DST: variants seen among roughly 807,000 people sequenced by gnomAD.
DST encodes the protein dystonin, also known as bullous pemphigoid antigen.
DST carries 253 observed loss-of-function variants against 875.2 expected under a neutral mutation model. That is an observed-to-expected ratio of 0.29 (90% CI 0.26 to 0.32). The LOEUF (loss-of-function observed/expected upper bound fraction) is 0.32, where lower values mean the gene tolerates loss of function less well. DST is among the 10% of genes least tolerant of loss of function. The pLI is 1.00. For synonymous variants in DST, 3,124 were observed against 3,197.1 expected, an observed-to-expected ratio of 0.98 and a Z score of 0.77; for missense variants, 8,287 against 9,111.6, an observed-to-expected ratio of 0.91 and a Z score of 3.68.
At chr6:56,948,224 T>C (rs951153385) in intron 2 of DST, among the ~76,000 whole-genome samples, 1 of 152,200 alleles carries the variant, frequency 6.6e-6, no homozygotes, top group Admixed American at 6.5e-5. Flanking sequence ...ATACGATTTT[T>C]TTTTCCTTTC....
rs2152468572 is a variant in DST at position 56,506,709 on chromosome 6, A to G, written c.19320T>C (p.Cys6440=). The change falls in exon 76 of 104, where the codon TGT becomes TGC. Residue 6440 remains cysteine (C), a synonymous_variant. Coordinates refer to ENST00000680361, the MANE Select transcript of DST (RefSeq NM_001374736.1). The part of the protein sequence containing the change: ...INLGSELIAA[C]GEPDKPIVKK... ...TGACAATGGGTTTATCAGGCTCCCC[A>G]CATGCCGCAATGAGTTCAGAACCTA... 1 of 1,613,684 alleles carries G rather than the reference A, an allele frequency of 6.2e-7. No homozygotes were observed. The highest frequency in any genetic ancestry group is 2.2e-5 in the East Asian group (1 of 44,858).
intron 3 of DST, among the ~76,000 whole-genome samples, chr6:56,884,981 C>T (rs1324733911): frequency 5.3e-5 from 8 of 151,830 alleles, no homozygotes; most frequent in South Asian, 2.1e-4. Flanking sequence ...CCGCCCACCT[C>T]GGCCTCCCAA....
chr6:56,702,380 T>TACACAC (rs141415908), intron 7 of DST, among the ~76,000 whole-genome samples: 10 of 149,518 alleles, frequency 6.7e-5, no homozygotes, highest in African/African-American at 1.7e-4. Flanking sequence ...TAACTGTATA[T>TACACAC]ACACACACAC....
At chr6:56,490,358 CT>C (rs1410099945) in intron 85 of DST, among the ~76,000 whole-genome samples, 3 of 152,102 alleles carry the variant, frequency 2.0e-5, no homozygotes, top group Non-Finnish European at 2.9e-5. Context: ...GTACTATTTT[CT>C]GATACAATTG....
At chr6:56,872,522 T>G (rs1404569885) in intron 3 of DST, among the ~76,000 whole-genome samples, 1 of 152,030 alleles carries the variant, frequency 6.6e-6, no homozygotes, top group African/African-American at 2.4e-5. Context: ...ACTCCACCTC[T>G]AAGAAAACAA....
intron 36 of DST, among the ~76,000 whole-genome samples, chr6:56,623,461 C>A (rs1412097323): frequency 1.3e-5 from 2 of 151,786 alleles, no homozygotes; most frequent in Admixed American, 1.3e-4. Flanking sequence ...TTCTCCTAAG[C>A]ACAAAGGAAG....
chr6:56,522,510 G>A (rs1437800228), intron 69 of DST, among the ~76,000 whole-genome samples: 1 of 152,060 alleles, frequency 6.6e-6, no homozygotes, highest in Non-Finnish European at 1.5e-5. Context: ...CACTTTGCTT[G>A]TCTTTATTTA....
chr6:56,821,757 A>C (rs2099773285), intron 4 of DST, among the ~76,000 whole-genome samples: 1 of 152,242 alleles, frequency 6.6e-6, no homozygotes, highest in African/African-American at 2.4e-5. Flanking sequence ...AGGAACATTC[A>C]CATTAGTAGG....
At chr6:56,837,754 T>C (rs1241774308) in intron 4 of DST, among the ~76,000 whole-genome samples, 1 of 152,134 alleles carries the variant, frequency 6.6e-6, no homozygotes, top group African/African-American at 2.4e-5. Flanking sequence ...GTTTCTCCTC[T>C]TGGAGTTTTC....
intron 36 of DST, chr6:56,618,980 T>A (rs1397362815): frequency 6.2e-7 from 1 of 1,613,778 alleles, no homozygotes; most frequent in Non-Finnish European, 8.5e-7. Context: ...CAGTTCCGCA[T>A]TCAGATTTCT....
intron 49 of DST, among the ~76,000 whole-genome samples, chr6:56,585,535 C>G (rs2152666701): frequency 6.6e-6 from 1 of 152,066 alleles, no homozygotes; most frequent in East Asian, 1.9e-4. Context: ...TTGATCCTTT[C>G]AAAAAACCAG....
At chr6:56,618,579 G>A (rs1317227393) in intron 36 of DST, 1 of 1,614,066 alleles carries the variant, frequency 6.2e-7, no homozygotes, top group South Asian at 1.1e-5. Context: ...GCTTCCATGT[G>A]CTGCCCTTGC....
chr6:56,907,926 C>T (rs1053084138), intron 2 of DST, among the ~76,000 whole-genome samples: 3 of 152,084 alleles, frequency 2.0e-5, no homozygotes, highest in African/African-American at 4.8e-5. Context: ...CTCCACCAGC[C>T]GGGCGTGGTG....
At chr6:56,685,675 G>A (rs2099180569) in intron 9 of DST, among the ~76,000 whole-genome samples, 1 of 152,104 alleles carries the variant, frequency 6.6e-6, no homozygotes, top group African/African-American at 2.4e-5. Context: ...GTGAGGCTGA[G>A]GCAGGAGAAT....
intron 55 of DST, among the ~76,000 whole-genome samples, chr6:56,568,145 A>G (rs1585116049): frequency 1.3e-5 from 2 of 152,204 alleles, no homozygotes; most frequent in South Asian, 2.1e-4. Context: ...TAGAATTTCA[A>G]TATCTCCATT....
intron 5 of DST, among the ~76,000 whole-genome samples, chr6:56,720,290 C>T (rs1039883884): frequency 4.0e-5 from 6 of 151,182 alleles, no homozygotes; most frequent in Non-Finnish European, 7.4e-5. Flanking sequence ...CCTGGCTCAA[C>T]AGCAGTCAGA....
Position 56,677,560 on chromosome 6 carries a change from T to C in DST, c.1048-6753A>G, listed in dbSNP as rs971295747. 1.2e-4 allele frequency among the ~76,000 whole-genome samples: 19 copies of C among 152,326 alleles called. No homozygotes were observed. In the East Asian group the frequency reaches 1.5e-3, roughly 12 times the overall value. On this transcript the variant is annotated intron_variant, in intron 9 of 103. Transcript: ENST00000680361. ...GCTGGCTTCAAGTGATCCTCCCACA[T>C]TGGCCTCCCAAAGTGCTGGGATTAT...
chr6:56,810,713 A>G (rs1306446180), intron 4 of DST, among the ~76,000 whole-genome samples: 7 of 136,432 alleles, frequency 5.1e-5, no homozygotes, highest in South Asian at 2.3e-4. Flanking sequence ...TCTCACAGGG[A>G]AAAAAAAAAA....
intron 65 of DST, 67 bp from the exon 66 acceptor site, chr6:56,529,841 A>C: frequency 4.1e-5 from 59 of 1,454,896 alleles, no homozygotes; most frequent in Non-Finnish European, 5.4e-5. Flanking sequence ...TGAAAACATA[A>C]ATAAAACTAA....
Sources: allele counts gnomAD v4.1 joint callset (sites outside exome capture counted in the v4.1 genomes callset), GRCh38; gene constraint gnomAD v4.1.1; transcripts MANE v1.5; gene names NCBI Gene and HGNC (gene_info 2026-07-23, HGNC 2026-07-21).